Variants in TRPS1 observed in about 807,000 individuals in gnomAD.
TRPS1 encodes the protein zinc finger transcription factor Trps1.
Under a neutral mutation model 101.2 loss-of-function variants are expected in TRPS1, and 6 were observed. The observed-to-expected ratio is 0.06, with a 90% CI of 0.03 to 0.12. The LOEUF is 0.12. Ranked by LOEUF, TRPS1 falls within the 10% of genes least tolerant of loss-of-function variation. The pLI, the probability that TRPS1 is intolerant of heterozygous loss-of-function variation, is 1.00. For synonymous variants in TRPS1, 578 were observed against 589.8 expected, an observed-to-expected ratio of 0.98 and a Z score of 0.29; for missense variants, 1,363 against 1,567.0, an observed-to-expected ratio of 0.87 and a Z score of 2.20.
At chr8:115,541,457 A>G (rs1816452123) in intron 5 of TRPS1, among the ~76,000 whole-genome samples, 1 of 152,202 alleles carries the variant, frequency 6.6e-6, no homozygotes, top group African/African-American at 2.4e-5. Flanking sequence ...GCAATAGAAC[A>G]CTTTCACCTT....
intron 5 of TRPS1, among the ~76,000 whole-genome samples, chr8:115,569,875 T>A (rs925071015): frequency 6.6e-6 from 1 of 152,054 alleles, no homozygotes; most frequent in African/African-American, 2.4e-5. Context: ...GAAGACTGAT[T>A]AAGTTCAACC....
intron 3 of TRPS1, among the ~76,000 whole-genome samples, chr8:115,618,292 G>A (rs1266002513): frequency 6.6e-6 from 1 of 152,032 alleles, no homozygotes; most frequent in East Asian, 1.9e-4. Flanking sequence ...CATGAATTTT[G>A]ACTATGCTAA....
chr8:115,419,180 T>C lies in TRPS1; in HGVS notation c.2701-728A>G, dbSNP rs188243132. Reference sequence around the variant, plus strand: ...AATCACAAGGGTTTCCAAATACAAATTGATTCTAGTGGCCTGAGTTTTGTA... The same window carrying C: ...AATCACAAGGGTTTCCAAATACAAACTGATTCTAGTGGCCTGAGTTTTGTA... On this transcript the variant is annotated intron_variant, in intron 5 of 6. Coordinates refer to ENST00000395715, the MANE Select transcript of TRPS1 (RefSeq NM_014112.5). Among the ~76,000 whole-genome samples, 363 of 152,268 alleles carry C rather than the reference T, an allele frequency of 2.4e-3. 1 individual carries two copies. Among genetic ancestry groups the C allele is most frequent in the African/African-American group, 8.0e-3 (333 of 41,546 alleles).
intron 5 of TRPS1, among the ~76,000 whole-genome samples, chr8:115,421,686 T>A (rs1563719615): frequency 6.6e-6 from 1 of 152,208 alleles, no homozygotes; most frequent in Non-Finnish European, 1.5e-5. Flanking sequence ...TCGAACCTTA[T>A]TTTTGGTGCA....
chr8:115,651,269 G>A (rs1297572472), intron 1 of TRPS1, among the ~76,000 whole-genome samples: 1 of 152,016 alleles, frequency 6.6e-6, no homozygotes, highest in African/African-American at 2.4e-5. Flanking sequence ...GTCCCACTTC[G>A]CTAAATGACA....
chr8:115,542,517 C>G (rs1816477794), intron 5 of TRPS1, among the ~76,000 whole-genome samples: 1 of 151,916 alleles, frequency 6.6e-6, no homozygotes, highest in African/African-American at 2.4e-5. Context: ...CGCCAGAGTC[C>G]TTTCCAGAAC....
At chr8:115,458,354 C>T (rs1443128168) in intron 5 of TRPS1, among the ~76,000 whole-genome samples, 1 of 152,060 alleles carries the variant, frequency 6.6e-6, no homozygotes, top group Non-Finnish European at 1.5e-5. Context: ...ACATGCCATC[C>T]TTTTAATCAT....
chr8:115,600,926 G>A (rs1284675947), intron 4 of TRPS1, among the ~76,000 whole-genome samples: 1 of 151,948 alleles, frequency 6.6e-6, no homozygotes, highest in Non-Finnish European at 1.5e-5. Flanking sequence ...TCTGAGTTAG[G>A]GGTATTATAG....
At chr8:115,612,680 C>T (rs373267873) in intron 3 of TRPS1, among the ~76,000 whole-genome samples, 2 of 152,132 alleles carry the variant, frequency 1.3e-5, no homozygotes, top group African/African-American at 4.8e-5. Flanking sequence ...TGAAAGGATG[C>T]AGGCATTCTT....
intron 5 of TRPS1, among the ~76,000 whole-genome samples, chr8:115,569,667 C>T (rs1224008756): frequency 6.6e-6 from 1 of 152,082 alleles, no homozygotes; most frequent in Non-Finnish European, 1.5e-5. Flanking sequence ...GCTTCTCTGA[C>T]TTGGCCATAA....
intron 5 of TRPS1, among the ~76,000 whole-genome samples, chr8:115,479,362 G>T (rs1814694769): frequency 1.3e-5 from 2 of 152,124 alleles, no homozygotes; most frequent in Admixed American, 1.3e-4. Flanking sequence ...CTTTGAGTTG[G>T]AAAGTTTCCA....
At chr8:115,555,871 A>AC (rs60440944) in intron 5 of TRPS1, among the ~76,000 whole-genome samples, 19 of 144,868 alleles carry the variant, frequency 1.3e-4, no homozygotes, top group South Asian at 6.3e-4. Flanking sequence ...AAACAAACAA[A>AC]AAAAAAAGCC....
At chr8:115,432,554 T>G in intron 5 of TRPS1, among the ~76,000 whole-genome samples, 1 of 152,040 alleles carries the variant, frequency 6.6e-6, no homozygotes, top group East Asian at 1.9e-4. Context: ...AATTCAAAAA[T>G]AAACAGAATG....
intron 5 of TRPS1, among the ~76,000 whole-genome samples, chr8:115,498,557 A>G (rs565291230): frequency 1.3e-5 from 2 of 151,140 alleles, no homozygotes; most frequent in African/African-American, 4.8e-5. Context: ...GAATTTGTAA[A>G]ATTTACTTAT....
At chr8:115,514,897 T>A (rs1815672633) in intron 5 of TRPS1, among the ~76,000 whole-genome samples, 1 of 151,664 alleles carries the variant, frequency 6.6e-6, no homozygotes, top group South Asian at 2.1e-4. Context: ...ATCTTTATAG[T>A]GCCATATGTC....
chr8:115,651,613 GC>G lies in TRPS1; in HGVS notation c.-122+16931del, dbSNP rs1811560282. ...CTCTCACTCTCCTCAGGTTCATGATGCCCGGTAGCTTCTGGTATGAGCTATG... is the reference window on the plus strand; with the variant it reads ...CTCTCACTCTCCTCAGGTTCATGATGCCGGTAGCTTCTGGTATGAGCTATG... On this transcript the variant is annotated intron_variant, in intron 1 of 6. Transcript: ENST00000395715. 2.6e-5 allele frequency among the ~76,000 whole-genome samples: 4 copies of G among 152,292 alleles called. No homozygotes were observed. The South Asian group carries it at 8.3e-4, about 32-fold the overall frequency.
chr8:115,423,598 CTAAG>C (rs1378934860), intron 5 of TRPS1, among the ~76,000 whole-genome samples: 1 of 152,114 alleles, frequency 6.6e-6, no homozygotes, highest in Non-Finnish European at 1.5e-5. Context: ...AGTATAATGA[CTAAG>C]TATTTAAAAC....
chr8:115,427,591 C>T (rs1387018199), intron 5 of TRPS1, among the ~76,000 whole-genome samples: 1 of 152,094 alleles, frequency 6.6e-6, no homozygotes, highest in African/African-American at 2.4e-5. Context: ...TTCAAAGCCA[C>T]AGTGAACCAT....
At chr8:115,500,404 A>C (rs1815287001) in intron 5 of TRPS1, among the ~76,000 whole-genome samples, 1 of 152,060 alleles carries the variant, frequency 6.6e-6, no homozygotes, top group African/African-American at 2.4e-5. Flanking sequence ...TTTTGTCTAG[A>C]TTTGTCTCAG....
Sources: gnomAD v4.1 joint callset for allele counts (sites outside exome capture counted in the v4.1 genomes callset) on GRCh38, gnomAD v4.1.1 for gene constraint, MANE v1.5 for transcripts, NCBI Gene and HGNC (gene_info 2026-07-23, HGNC 2026-07-21) for gene names.